Variants in SNX29 observed in about 807,000 individuals in gnomAD.
SNX29 encodes the protein sorting nexin 29, also known as sorting nexin-29.
Under a neutral mutation model 102.1 loss-of-function variants are expected in SNX29, and 78 were observed. The observed-to-expected ratio is 0.76, with a 90% CI of 0.64 to 0.92. The LOEUF (loss-of-function observed/expected upper bound fraction) is 0.92. Ranked by LOEUF, SNX29 falls within the 40% of genes least tolerant of loss-of-function variation. The pLI is 0.00. For missense variants in SNX29, 1,280 were observed against 1,061.7 expected, an observed-to-expected ratio of 1.21 and a Z score of -2.86; for synonymous variants, 580 against 414.5, an observed-to-expected ratio of 1.40 and a Z score of -4.85.
intron 18 of SNX29, among the ~76,000 whole-genome samples, chr16:12,450,783 A>T (rs991253414): frequency 3.3e-5 from 5 of 152,202 alleles, no homozygotes; most frequent in South Asian, 2.1e-4. Flanking sequence ...TAGGCCAATC[A>T]TTGTGGTGGC....
At chr16:12,050,437 G>A (rs752306893) in intron 7 of SNX29, among the ~76,000 whole-genome samples, 1 of 152,176 alleles carries the variant, frequency 6.6e-6, no homozygotes, top group African/African-American at 2.4e-5. Flanking sequence ...ACTGCAGTTC[G>A]TTACTTTTTT....
rs1432389575 is a variant in SNX29, at chr16:12,459,129, C to T, written c.2038-18590C>T. On this transcript the variant is annotated intron_variant, in intron 18 of 20. Coordinates refer to ENST00000566228, the MANE Select transcript of SNX29 (RefSeq NM_032167.5). The stretch of plus-strand genomic sequence containing the variant: ...TCACTCTCCCCTCCTCCTCCCATTT[C>T]ACTCCCCCCTCCTCCCCCTCTCCAC... Among the ~76,000 whole-genome samples the T allele has an allele frequency of 1.2e-4, 15 of 126,886 alleles. No individual in the cohort carries two copies. The East Asian group carries it at 2.5e-3, about 21-fold the overall frequency. The allele number at this position is 126,886 out of a possible 152,430, so 83.2% of individuals were successfully genotyped here.
chr16:12,022,697 GGTTAT>G (rs2057065121), intron 3 of SNX29, among the ~76,000 whole-genome samples: 1 of 151,950 alleles, frequency 6.6e-6, no homozygotes, highest in African/African-American at 2.4e-5. Context: ...CTTATGATGG[GGTTAT>G]GTCCTGATAA....
At chr16:12,417,682 C>G (rs894692147) in intron 18 of SNX29, among the ~76,000 whole-genome samples, 3 of 151,972 alleles carry the variant, frequency 2.0e-5, no homozygotes, top group East Asian at 3.9e-4. Context: ...TACTGCCTCT[C>G]TCCTGTTCTG....
intron 15 of SNX29, among the ~76,000 whole-genome samples, chr16:12,322,331 C>T (rs908089796): frequency 5.3e-5 from 8 of 152,074 alleles, no homozygotes; most frequent in African/African-American, 1.4e-4. Flanking sequence ...CAGGGGCTAT[C>T]GCAAGAGAGG....
chr16:12,508,006 G>C (rs2089452774), intron 19 of SNX29, among the ~76,000 whole-genome samples: 1 of 152,200 alleles, frequency 6.6e-6, no homozygotes, highest in African/African-American at 2.4e-5. Context: ...TGTGGACCTG[G>C]GTTCAAATCC....
intron 11 of SNX29, among the ~76,000 whole-genome samples, chr16:12,089,322 C>T (rs2052387180): frequency 6.6e-6 from 1 of 151,594 alleles, no homozygotes; most frequent in African/African-American, 2.4e-5. Context: ...CAGAGCAAGA[C>T]CGTCTCAAAA....
chr16:12,380,933 T>TCCAC (rs1330548188), intron 16 of SNX29, among the ~76,000 whole-genome samples: 4 of 38,842 alleles, frequency 1.0e-4, no homozygotes, highest in African/African-American at 5.6e-4. Flanking sequence ...CATCCATCCA[T>TCCAC]CCACCATCCA....
At chr16:12,093,334 G>A (rs1472606063) in intron 11 of SNX29, among the ~76,000 whole-genome samples, 4 of 152,226 alleles carry the variant, frequency 2.6e-5, no homozygotes, top group African/African-American at 7.2e-5. Flanking sequence ...GTGTGGCTAC[G>A]TGCAGTGGTT....
chr16:12,502,644 G>T (rs1435355114), intron 19 of SNX29, among the ~76,000 whole-genome samples: 1 of 152,104 alleles, frequency 6.6e-6, no homozygotes, highest in Non-Finnish European at 1.5e-5. Context: ...CTTATCCTGG[G>T]GTCTGAGGAT....
Position 12,573,647 on chromosome 16 carries a change from A to ACT in SNX29, c.*5020_*5021dup. 9.0e-6 allele frequency: 2 copies of ACT among 221,960 alleles called. No individual in the cohort carries two copies. The highest frequency in any genetic ancestry group is 6.6e-5 in the East Asian group (1 of 15,236). 13.7% of individuals were successfully genotyped at this position (221,960 alleles called of 1,614,324 possible). On this transcript the variant is annotated 3_prime_UTR_variant, in exon 21 of 21. Coordinates refer to ENST00000566228, the MANE Select transcript of SNX29 (RefSeq NM_032167.5). ...TCCATGAACGGCAAGGGGAACCACCACTCATTCACTGTCAGTGTAGGTAAG... is the reference window on the plus strand; with the variant it reads ...TCCATGAACGGCAAGGGGAACCACCACTCTCATTCACTGTCAGTGTAGGTAAG...
At chr16:12,341,398 T>C (rs536641977) in intron 15 of SNX29, among the ~76,000 whole-genome samples, 15 of 152,364 alleles carry the variant, frequency 9.8e-5, no homozygotes, top group African/African-American at 3.4e-4. Context: ...CCTCTGTGCC[T>C]TTCCTCAGAC....
chr16:12,101,921 C>G (rs1312601690), intron 11 of SNX29, among the ~76,000 whole-genome samples: 1 of 152,130 alleles, frequency 6.6e-6, no homozygotes, highest in African/African-American at 2.4e-5. Context: ...CCCCTAGCCC[C>G]CTACCCTCAG....
intron 14 of SNX29, among the ~76,000 whole-genome samples, chr16:12,224,919 ACCTGAGCATTCTC>A (rs1000445875): frequency 3.3e-5 from 5 of 152,128 alleles, no homozygotes; most frequent in African/African-American, 1.2e-4. Context: ...TCAGAACCAA[ACCTGAGCATTCTC>A]CCATCAAAGG....
chr16:12,558,731 C>T (rs553012074), intron 20 of SNX29, among the ~76,000 whole-genome samples: 64 of 150,402 alleles, frequency 4.3e-4, no homozygotes, highest in African/African-American at 1.6e-3. Context: ...GCACAAGCCT[C>T]ACCACTAGGC....
At chr16:12,456,580 A>T (rs1382356272) in intron 18 of SNX29, among the ~76,000 whole-genome samples, 1 of 151,616 alleles carries the variant, frequency 6.6e-6, no homozygotes, top group East Asian at 1.9e-4. Context: ...GTGTGTGAGT[A>T]CTTGGTAGTG....
At chr16:12,060,980 G>T in intron 8 of SNX29, 2 of 412,678 alleles carry the variant, frequency 4.8e-6, no homozygotes, top group Non-Finnish European at 9.7e-6. Flanking sequence ...GCGGAGCAAC[G>T]CTAGCCCTAG....
intron 20 of SNX29, among the ~76,000 whole-genome samples, chr16:12,567,471 C>T (rs536107824): frequency 3.9e-5 from 6 of 152,166 alleles, no homozygotes; most frequent in Non-Finnish European, 8.8e-5. Context: ...CCTTATCTAG[C>T]AAAAGGGACT....
At chr16:12,521,421 T>A (rs1226061229) in intron 19 of SNX29, among the ~76,000 whole-genome samples, 1 of 151,926 alleles carries the variant, frequency 6.6e-6, no homozygotes, top group Admixed American at 6.6e-5. Context: ...AGAGGCAGAT[T>A]AGACTCATGG....
Sources: gnomAD v4.1 joint callset for allele counts (sites outside exome capture counted in the v4.1 genomes callset) on GRCh38, gnomAD v4.1.1 for gene constraint, MANE v1.5 for transcripts, NCBI Gene and HGNC (gene_info 2026-07-23, HGNC 2026-07-21) for gene names.